Variants in ROBO1 observed in about 807,000 individuals in gnomAD.
The protein encoded by ROBO1 is roundabout homolog 1.
Under a neutral mutation model 195.9 loss-of-function variants are expected in ROBO1, and 149 were observed. The observed-to-expected ratio is 0.76, with a 90% CI of 0.67 to 0.87. The LOEUF (loss-of-function observed/expected upper bound fraction) is 0.87, where lower values mean the gene tolerates loss of function less well. Among genes scored for constraint, ROBO1 ranks in the 40% least tolerant of loss-of-function variants. ROBO1 has a pLI of 0.00. For missense variants in ROBO1, 1,933 were observed against 2,068.3 expected (o/e 0.93, Z 1.27); for synonymous variants, 816 against 733.2 (o/e 1.11, Z -1.82).
intron 2 of ROBO1, among the ~76,000 whole-genome samples, chr3:79,363,795 C>T (rs567590702): frequency 3.9e-4 from 60 of 152,262 alleles, no homozygotes; most frequent in African/African-American, 1.4e-3. Context: ...TTCATTGTGA[C>T]TTGCAATTTG....
At chr3:79,426,889 T>C (rs1450074446) in intron 2 of ROBO1, among the ~76,000 whole-genome samples, 1 of 152,192 alleles carries the variant, frequency 6.6e-6, no homozygotes, top group African/African-American at 2.4e-5. Context: ...CTGGGCAGTA[T>C]AAAATTACCA....
intron 2 of ROBO1, among the ~76,000 whole-genome samples, chr3:79,438,445 C>A (rs552811627): frequency 2.0e-5 from 3 of 152,056 alleles, no homozygotes; most frequent in East Asian, 3.9e-4. Context: ...CTATTCCTTA[C>A]ATCAAATATG....
chr3:79,560,759 A>G (rs1158213474), intron 2 of ROBO1, among the ~76,000 whole-genome samples: 1 of 151,938 alleles, frequency 6.6e-6, no homozygotes, highest in South Asian at 2.1e-4. Context: ...TGTATATAAC[A>G]TGCCTTTTGC....
intron 3 of ROBO1, among the ~76,000 whole-genome samples, chr3:78,966,988 T>A (rs954461368): frequency 6.6e-6 from 1 of 152,228 alleles, no homozygotes; most frequent in Admixed American, 6.5e-5. Flanking sequence ...AAAACTGGAA[T>A]GAAAACTCCT....
chr3:79,246,268 C>A (rs1251770871), intron 2 of ROBO1, among the ~76,000 whole-genome samples: 2 of 151,956 alleles, frequency 1.3e-5, no homozygotes, highest in Non-Finnish European at 2.9e-5. Flanking sequence ...TTCATGACAA[C>A]CCCAGGAGGT....
chr3:79,212,146 G>A (rs1423094480), intron 2 of ROBO1, among the ~76,000 whole-genome samples: 1 of 152,140 alleles, frequency 6.6e-6, no homozygotes, highest in African/African-American at 2.4e-5. Context: ...GGTGGGCCAG[G>A]TGTTCCTTGC....
At chr3:78,663,552 C>T (rs1237913552) in intron 14 of ROBO1, among the ~76,000 whole-genome samples, 1 of 152,122 alleles carries the variant, frequency 6.6e-6, no homozygotes, top group East Asian at 1.9e-4. Flanking sequence ...TGGAATGAAA[C>T]AGACTTGGGT....
intron 2 of ROBO1, among the ~76,000 whole-genome samples, chr3:79,293,080 C>A (rs1406942815): frequency 6.6e-6 from 1 of 152,116 alleles, no homozygotes; most frequent in South Asian, 2.1e-4. Context: ...TTCAGGGATT[C>A]GTCTTCTTCC....
chr3:78,907,645 A>C (rs975603965), intron 4 of ROBO1, among the ~76,000 whole-genome samples: 4 of 152,116 alleles, frequency 2.6e-5, no homozygotes, highest in African/African-American at 9.6e-5. Context: ...CTCATGAGTC[A>C]TAACAGTCTG....
In ROBO1 at chr3:79,547,529, T is replaced by A. The variant is rs142156912; in HGVS notation, c.88+42295A>T. Among the ~76,000 whole-genome samples the A allele has an allele frequency of 9.8e-5, 15 of 152,292 alleles. No individual in the cohort carries two copies. In the East Asian group the frequency reaches 2.9e-3, roughly 29 times the overall value. On this transcript the variant is annotated intron_variant, in intron 2 of 30. Coordinates refer to ENST00000464233, the MANE Select transcript of ROBO1 (RefSeq NM_002941.4). ...TAAAGTTTTAGGAAATTTCCAAATA[T>A]ATATAATTTAGCCTGACTGCAAAGA...
intron 3 of ROBO1, among the ~76,000 whole-genome samples, chr3:79,080,660 A>C (rs2108460844): frequency 6.6e-6 from 1 of 152,176 alleles, no homozygotes; most frequent in South Asian, 2.1e-4. Context: ...TTGATCCTTC[A>C]ATGAAATGAG....
intron 4 of ROBO1, among the ~76,000 whole-genome samples, chr3:78,856,169 T>G (rs2106924876): frequency 6.6e-6 from 1 of 151,954 alleles, no homozygotes; most frequent in Non-Finnish European, 1.5e-5. Context: ...AAGAAATCAG[T>G]TTTAAACACA....
At chr3:79,488,275 C>T (rs578183902) in intron 2 of ROBO1, among the ~76,000 whole-genome samples, 1 of 152,240 alleles carries the variant, frequency 6.6e-6, no homozygotes, top group South Asian at 2.1e-4. Flanking sequence ...TATTCTCTGT[C>T]TCTTCCCCTC....
At chr3:79,173,253 T>G (rs1559711840) in intron 2 of ROBO1, among the ~76,000 whole-genome samples, 1 of 152,100 alleles carries the variant, frequency 6.6e-6, no homozygotes, top group Non-Finnish European at 1.5e-5. Context: ...GAGGAGCCCT[T>G]CAGCCCACCG....
chr3:78,656,390 G>A (rs972831456), intron 18 of ROBO1, among the ~76,000 whole-genome samples: 8 of 123,906 alleles, frequency 6.5e-5, no homozygotes, highest in South Asian at 2.6e-4. Flanking sequence ...TCACTCTGTC[G>A]CCCAGGCTGG....
rs2036685674 is a variant in ROBO1 at position 79,384,860 on chromosome 3, G to A, written c.88+204964C>T. On this transcript the variant is annotated intron_variant, in intron 2 of 30. Transcript: ENST00000464233. ...TTTATCTCAAAACATTCTGCTTTAAGAAAAGAATACATAAATCTCAGTCAT... is the reference window on the plus strand; with the variant it reads ...TTTATCTCAAAACATTCTGCTTTAAAAAAAGAATACATAAATCTCAGTCAT... Among the ~76,000 whole-genome samples, 6 of 152,064 alleles carry A rather than the reference G, an allele frequency of 3.9e-5. No individual in the cohort carries two copies. The South Asian group carries it at 1.2e-3, about 32-fold the overall frequency.
In ROBO1 at chr3:79,671,186, T is replaced by A. The variant is rs80094724; in HGVS notation, c.-50-81225A>T. Reference sequence around the variant, plus strand: ...GCTCATTGGGTGACAAGCAATTAATTACATACATTATGTTAGAAGGAAAAG... The same window carrying A: ...GCTCATTGGGTGACAAGCAATTAATAACATACATTATGTTAGAAGGAAAAG... On this transcript the variant is annotated intron_variant, in intron 1 of 30. Transcript: ENST00000464233. Among the ~76,000 whole-genome samples the A allele has an allele frequency of 8.6e-3, 1,310 of 151,976 alleles. 25 individuals carry two copies. Among genetic ancestry groups the A allele is most frequent in the African/African-American group, 0.03 (1,233 of 41,518 alleles).
At chr3:79,210,533 G>T (rs1358260665) in intron 2 of ROBO1, among the ~76,000 whole-genome samples, 1 of 152,046 alleles carries the variant, frequency 6.6e-6, no homozygotes, top group Non-Finnish European at 1.5e-5. Flanking sequence ...CATAGTTGAA[G>T]AACTACAATT....
intron 8 of ROBO1, among the ~76,000 whole-genome samples, chr3:78,711,383 C>CT (rs1167083589): frequency 1.3e-3 from 45 of 33,498 alleles, no homozygotes; most frequent in Middle Eastern, 0.014. Context: ...TCCTTCCTTC[C>CT]TTCCTTCCTT....
Sources: allele counts gnomAD v4.1 joint callset (sites outside exome capture counted in the v4.1 genomes callset), GRCh38; gene constraint gnomAD v4.1.1; transcripts MANE v1.5; gene names NCBI Gene and HGNC (gene_info 2026-07-23, HGNC 2026-07-21).